RASA1: variants seen among roughly 807,000 people sequenced by gnomAD.
RASA1 encodes RAS p21 protein activator 1.
RASA1 carries 25 observed loss-of-function variants against 132.2 expected under a neutral mutation model. That is an observed-to-expected ratio of 0.19 (90% CI 0.14 to 0.26). The LOEUF is 0.26. RASA1 is among the 10% of genes least tolerant of loss of function. RASA1 has a pLI of 1.00. For synonymous variants in RASA1, 477 were observed against 449.9 expected, an observed-to-expected ratio of 1.06 and a Z score of -0.76; for missense variants, 964 against 1,299.2, an observed-to-expected ratio of 0.74 and a Z score of 3.97.
At chr5:87,317,647 T>C (rs1260616080) in intron 1 of RASA1, among the ~76,000 whole-genome samples, 2 of 151,990 alleles carry the variant, frequency 1.3e-5, no homozygotes, top group Admixed American at 1.3e-4. Context: ...TTTTTTTTTT[T>C]TCTTTTGAGA....
rs555470550 is a variant in RASA1, at chr5:87,346,736, T to C, written c.1102+12T>C. On this transcript the variant is annotated intron_variant, in intron 7 of 24. Transcript: ENST00000274376. ...TTTACTAATGACAGGTACTTACATA[T>C]TTACTTGCTTTTCTAATGTCTATTT... 35 of 1,518,490 alleles carry C rather than the reference T, an allele frequency of 2.3e-5. No individual in the cohort carries two copies. The Admixed American group carries it at 5.0e-4, about 22-fold the overall frequency. 94.1% of individuals were successfully genotyped at this position (1,518,490 alleles called of 1,614,324 possible). A position where few individuals can be genotyped will look rare whatever the true frequency, so the allele number is the denominator to read the frequency against.
chr5:87,366,569 T>A (rs1580363407), intron 11 of RASA1: 1 of 179,412 alleles, frequency 5.6e-6, no homozygotes, highest in Non-Finnish European at 1.2e-5. Flanking sequence ...TGCTGTAAGG[T>A]TGTAGCTTGC....
At chr5:87,332,226 A>C (rs1215480681) in intron 2 of RASA1, among the ~76,000 whole-genome samples, 1 of 151,548 alleles carries the variant, frequency 6.6e-6, no homozygotes, top group African/African-American at 2.4e-5. Context: ...AAGTGAGAAG[A>C]GGTATCTGAG....
chr5:87,307,755 TTTTG>T (rs1470826763), intron 1 of RASA1, among the ~76,000 whole-genome samples: 1 of 152,316 alleles, frequency 6.6e-6, no homozygotes, highest in Non-Finnish European at 1.5e-5. Context: ...AAGAACCAAC[TTTTG>T]TTTTTTTCCT....
At chr5:87,312,090 A>G (rs1755959904) in intron 1 of RASA1, among the ~76,000 whole-genome samples, 1 of 152,262 alleles carries the variant, frequency 6.6e-6, no homozygotes, top group African/African-American at 2.4e-5. Context: ...TATTTTTCAG[A>G]TGATCACTGC....
intron 9 of RASA1, among the ~76,000 whole-genome samples, chr5:87,355,272 G>A (rs899873808): frequency 6.6e-6 from 1 of 152,146 alleles, no homozygotes; most frequent in Admixed American, 6.6e-5. Context: ...TCAAAGGTCA[G>A]GCTGACTGAC....
intron 9 of RASA1, among the ~76,000 whole-genome samples, chr5:87,357,939 T>G (rs1759776347): frequency 6.6e-6 from 1 of 152,200 alleles, no homozygotes. Context: ...AACTATTAAG[T>G]GCTATTTGTA....
rs148719928 is a variant in RASA1, at chr5:87,313,862, A to G, written c.540-17486A>G. On this transcript the variant is annotated intron_variant, in intron 1 of 24. Transcript: ENST00000274376. The stretch of plus-strand genomic sequence containing the variant: ...GCAAATTAAAGGAGTAGTGTGATCA[A>G]AGAGGTCTGAAAATGCATGTTTGGG... 1.6e-3 allele frequency among the ~76,000 whole-genome samples: 238 copies of G among 152,276 alleles called. 1 individual carries two copies. Among genetic ancestry groups the G allele is most frequent in the Middle Eastern group, 6.8e-3 (2 of 294 alleles).
chr5:87,274,993 T>A (rs1754003386), intron 1 of RASA1, among the ~76,000 whole-genome samples: 1 of 152,136 alleles, frequency 6.6e-6, no homozygotes, highest in Admixed American at 6.5e-5. Flanking sequence ...AATGCTAGAA[T>A]CGGTATGGAT....
intron 9 of RASA1, among the ~76,000 whole-genome samples, chr5:87,357,851 G>A (rs1759769470): frequency 6.6e-6 from 1 of 152,202 alleles, no homozygotes; most frequent in Non-Finnish European, 1.5e-5. Flanking sequence ...TGGTTTTGCA[G>A]AAGTGCCTAT....
chr5:87,334,888 C>T (rs1338240736), intron 4 of RASA1, among the ~76,000 whole-genome samples: 2 of 151,482 alleles, frequency 1.3e-5, no homozygotes, highest in East Asian at 3.9e-4. Flanking sequence ...CTAGTTTGTT[C>T]CTTTTTTTTT....
rs1756153636 is a variant in RASA1 at position 87,314,346 on chromosome 5, T to A, written c.540-17002T>A. Among the ~76,000 whole-genome samples, 3 of 152,320 alleles carry A rather than the reference T, an allele frequency of 2.0e-5. No homozygotes were observed. The South Asian group carries it at 6.2e-4, about 32-fold the overall frequency. On this transcript the variant is annotated intron_variant, in intron 1 of 24. Coordinates refer to ENST00000274376, the MANE Select transcript of RASA1 (RefSeq NM_002890.3). ...GGGACTTTTTCAGTTTTGATTTGTG[T>A]TTTGGGCATAGTTGTTTCTGGAGAT...
chr5:87,301,652 G>A (rs115555058), intron 1 of RASA1, among the ~76,000 whole-genome samples: 2,346 of 152,048 alleles, frequency 0.015, 35 homozygotes, highest in Middle Eastern at 0.027. Flanking sequence ...TCGTATTTTT[G>A]GGGGGCTTTA....
At chr5:87,334,338 A>AT (rs1168632691) in intron 4 of RASA1, among the ~76,000 whole-genome samples, 1 of 152,136 alleles carries the variant, frequency 6.6e-6, no homozygotes, top group Non-Finnish European at 1.5e-5. Context: ...TTCCTCCTCC[A>AT]TTTTTTGTTC....
At chr5:87,276,057 A>T (rs1442816827) in intron 1 of RASA1, among the ~76,000 whole-genome samples, 1 of 152,292 alleles carries the variant, frequency 6.6e-6, no homozygotes. Context: ...GAATACAGCA[A>T]GTTGAGCTTT....
At chr5:87,285,033 C>T (rs185228721) in intron 1 of RASA1, among the ~76,000 whole-genome samples, 1,563 of 137,058 alleles carry the variant, frequency 0.011, 19 homozygotes, top group Non-Finnish European at 0.016. Context: ...ATAATGGTAC[C>T]ATTTATTTAT....
intron 9 of RASA1, among the ~76,000 whole-genome samples, chr5:87,360,708 T>C (rs1198112035): frequency 1.3e-5 from 2 of 152,162 alleles, no homozygotes; most frequent in African/African-American, 4.8e-5. Flanking sequence ...AGAAGTAATA[T>C]GGTTCACTCA....
chr5:87,339,653 G>C lies in RASA1; in HGVS notation c.1017+1562G>C, dbSNP rs192296654. ...AAAATAATAATAACAACCCAAACCA[G>C]AATAAGGAGACATGACCTCACATCA... On this transcript the variant is annotated intron_variant, in intron 5 of 24. Coordinates refer to ENST00000274376, the MANE Select transcript of RASA1 (RefSeq NM_002890.3). 2.5e-3 allele frequency among the ~76,000 whole-genome samples: 378 copies of C among 152,172 alleles called. 1 individual carries two copies. The highest frequency in any genetic ancestry group is 8.6e-3 in the African/African-American group (356 of 41,524).
At chr5:87,296,960 C>T (rs1349228935) in intron 1 of RASA1, among the ~76,000 whole-genome samples, 1 of 151,928 alleles carries the variant, frequency 6.6e-6, no homozygotes, top group Non-Finnish European at 1.5e-5. Context: ...TCTTTTTCCT[C>T]TCTTTTTTTT....
Sources: gnomAD v4.1 joint callset for allele counts (sites outside exome capture counted in the v4.1 genomes callset) on GRCh38, gnomAD v4.1.1 for gene constraint, MANE v1.5 for transcripts, NCBI Gene and HGNC (gene_info 2026-07-23, HGNC 2026-07-21) for gene names.